EBF1: variants seen among roughly 807,000 people sequenced by gnomAD.
EBF1 encodes the protein transcription factor COE1.
In EBF1, 10 loss-of-function variants were observed where a neutral mutation model predicts 68.4. That is an observed-to-expected ratio of 0.15 (90% CI 0.09 to 0.25). The LOEUF is 0.25. Ranked by LOEUF, EBF1 falls within the 10% of genes least tolerant of loss-of-function variation. EBF1 has a pLI of 1.00. For missense variants in EBF1, 509 were observed against 794.4 expected (o/e 0.64, Z 4.32); for synonymous variants, 298 against 299.8 (o/e 0.99, Z 0.06).
intron 9 of EBF1, among the ~76,000 whole-genome samples, chr5:158,791,255 G>A (rs994780084): frequency 1.3e-5 from 2 of 149,128 alleles, no homozygotes; most frequent in Non-Finnish European, 3.0e-5. Context: ...GGAAGTGGAG[G>A]TTGCAGTGGG....
At position 158,769,972 on chromosome 5, in the gene EBF1, T is replaced by C. The variant is rs115019109; in HGVS notation, c.1036+7441A>G. On this transcript the variant is annotated intron_variant, in intron 10 of 15. Transcript: ENST00000313708. ...CCCAGCCCTCTTTCAGCTGAATCCC[T>C]AAGTGAAAACAATCTGACAAAAAAG... 2.7e-3 allele frequency among the ~76,000 whole-genome samples: 403 copies of C among 151,302 alleles called. 2 individuals carry two copies. Among genetic ancestry groups the C allele is most frequent in the African/African-American group, 9.0e-3 (366 of 40,608 alleles).
rs146032177 is a variant in EBF1 at position 158,736,044 on chromosome 5, T to A, written c.1037-4887A>T. On this transcript the variant is annotated intron_variant, in intron 10 of 15. Transcript: ENST00000313708. ...TCAATTGAAAACTCATAATAATGAG[T>A]GAATTCTAACCAAATATATATGTGG... 3.1e-3 allele frequency among the ~76,000 whole-genome samples: 475 copies of A among 152,334 alleles called. 4 individuals are homozygous for A. Among genetic ancestry groups the A allele is most frequent in the African/African-American group, 0.01 (423 of 41,582 alleles).
intron 10 of EBF1, among the ~76,000 whole-genome samples, chr5:158,742,196 A>G (rs1367443336): frequency 5.3e-5 from 8 of 152,176 alleles, no homozygotes; most frequent in Non-Finnish European, 1.0e-4. Context: ...CCTTCTATCT[A>G]CAATCTGTTT....
intron 8 of EBF1, among the ~76,000 whole-genome samples, chr5:158,814,066 C>T (rs533071739): frequency 1.2e-3 from 181 of 152,314 alleles, no homozygotes; most frequent in Non-Finnish European, 2.2e-3. Flanking sequence ...TAAAAAAGTT[C>T]TGACCAGGCT....
chr5:158,865,307 C>T (rs1795682351), intron 6 of EBF1, among the ~76,000 whole-genome samples: 1 of 152,182 alleles, frequency 6.6e-6, no homozygotes, highest in East Asian at 1.9e-4. Flanking sequence ...ATGACATGAA[C>T]TTGGTTTAAA....
intron 9 of EBF1, among the ~76,000 whole-genome samples, chr5:158,786,785 A>G (rs1280477713): frequency 6.6e-6 from 1 of 152,226 alleles, no homozygotes; most frequent in Non-Finnish European, 1.5e-5. Context: ...GCTTGTTATC[A>G]ACATTGGCAA....
At chr5:159,014,210 TTAAAC>T (rs1291964465) in intron 6 of EBF1, among the ~76,000 whole-genome samples, 2 of 152,198 alleles carry the variant, frequency 1.3e-5, no homozygotes, top group Non-Finnish European at 2.9e-5. Context: ...AAAATAGATA[TTAAAC>T]TAAAGTTACA....
At chr5:159,050,095 G>T (rs943433029) in intron 6 of EBF1, among the ~76,000 whole-genome samples, 5 of 152,054 alleles carry the variant, frequency 3.3e-5, no homozygotes, top group African/African-American at 1.2e-4. Flanking sequence ...CAAGAAAGTG[G>T]ATACAGGAGA....
chr5:158,901,513 A>G (rs1803325081), intron 6 of EBF1, among the ~76,000 whole-genome samples: 1 of 152,236 alleles, frequency 6.6e-6, no homozygotes, highest in Admixed American at 6.5e-5. Flanking sequence ...CATTTTTTTC[A>G]TTCTTCATTC....
chr5:159,089,299 T>C (rs1306616723), intron 4 of EBF1, among the ~76,000 whole-genome samples: 2 of 152,176 alleles, frequency 1.3e-5, no homozygotes, highest in Non-Finnish European at 2.9e-5. Context: ...GAATAAAATA[T>C]CATCAATTCT....
At chr5:158,790,576 C>T (rs1449769551) in intron 9 of EBF1, among the ~76,000 whole-genome samples, 1 of 152,158 alleles carries the variant, frequency 6.6e-6, no homozygotes, top group Non-Finnish European at 1.5e-5. Context: ...GCGGTGCATG[C>T]TAGTACCTCA....
At chr5:159,051,407 T>TC in intron 6 of EBF1, among the ~76,000 whole-genome samples, 1 of 47,314 alleles carries the variant, frequency 2.1e-5, no homozygotes, top group Non-Finnish European at 3.8e-5. Flanking sequence ...CCGCATTCCC[T>TC]CCCCCTCCCC....
chr5:158,756,808 C>T (rs894034452), intron 10 of EBF1, among the ~76,000 whole-genome samples: 2 of 151,780 alleles, frequency 1.3e-5, no homozygotes, highest in East Asian at 3.9e-4. Flanking sequence ...GAAATTCATG[C>T]ATGTGCCACG....
intron 6 of EBF1, among the ~76,000 whole-genome samples, chr5:159,006,226 G>A (rs1763513045): frequency 6.6e-6 from 1 of 152,174 alleles, no homozygotes; most frequent in Non-Finnish European, 1.5e-5. Flanking sequence ...AACTGAAAGA[G>A]TTACACTTCC....
intron 6 of EBF1, among the ~76,000 whole-genome samples, chr5:158,891,019 A>G (rs1187608615): frequency 1.3e-5 from 2 of 152,204 alleles, no homozygotes; most frequent in African/African-American, 2.4e-5. Flanking sequence ...CAGGAAGTTA[A>G]TCCACAAGTG....
intron 6 of EBF1, among the ~76,000 whole-genome samples, chr5:158,880,576 A>T (rs1798710554): frequency 6.6e-6 from 1 of 152,168 alleles, no homozygotes; most frequent in South Asian, 2.1e-4. Context: ...ATTTGCAGAT[A>T]TTTCTCAAAC....
intron 6 of EBF1, among the ~76,000 whole-genome samples, chr5:158,846,794 T>A (rs1244924796): frequency 6.6e-6 from 1 of 152,148 alleles, no homozygotes; most frequent in East Asian, 1.9e-4. Flanking sequence ...AGGGTAAAGG[T>A]TGCTCACTGC....
At chr5:158,770,355 C>T (rs1022417284) in intron 10 of EBF1, among the ~76,000 whole-genome samples, 2 of 152,122 alleles carry the variant, frequency 1.3e-5, no homozygotes, top group African/African-American at 4.8e-5. Context: ...CAGACTACTG[C>T]AATGACCTCC....
intron 6 of EBF1, among the ~76,000 whole-genome samples, chr5:158,929,202 C>T (rs181523403): frequency 3.9e-5 from 6 of 152,102 alleles, no homozygotes; most frequent in Non-Finnish European, 8.8e-5. Flanking sequence ...AGATTTAGAG[C>T]GTCCTGGTCC....
Sources: allele counts gnomAD v4.1 joint callset (sites outside exome capture counted in the v4.1 genomes callset), GRCh38; gene constraint gnomAD v4.1.1; transcripts MANE v1.5; gene names NCBI Gene and HGNC (gene_info 2026-07-23, HGNC 2026-07-21).